Variants in SNTG1 observed in about 807,000 individuals in gnomAD.
SNTG1 encodes gamma-1-syntrophin.
SNTG1 carries 39 observed loss-of-function variants against 74.7 expected under a neutral mutation model. The observed-to-expected ratio is 0.52, with a 90% confidence interval of 0.40 to 0.68. The LOEUF (loss-of-function observed/expected upper bound fraction) is 0.68, where lower values mean the gene tolerates loss of function less well. SNTG1 is among the 30% of genes least tolerant of loss of function. The pLI is 0.00. For synonymous variants in SNTG1, 254 were observed against 217.1 expected (o/e 1.17, Z -1.49); for missense variants, 685 against 609.5 (o/e 1.12, Z -1.30).
intron 2 of SNTG1, among the ~76,000 whole-genome samples, chr8:50,264,965 A>T (rs1455674654): frequency 2.0e-5 from 3 of 152,148 alleles, no homozygotes; most frequent in African/African-American, 7.2e-5. Flanking sequence ...CCTATAAATA[A>T]TAAAGAGTTG....
At chr8:49,998,971 G>T (rs1035540076) in intron 1 of SNTG1, among the ~76,000 whole-genome samples, 3 of 152,020 alleles carry the variant, frequency 2.0e-5, no homozygotes, top group Non-Finnish European at 4.4e-5. Flanking sequence ...CTATAAAATG[G>T]ATTTGTTGAC....
chr8:50,622,050 T>A (rs1213597076), intron 13 of SNTG1, among the ~76,000 whole-genome samples: 4 of 152,190 alleles, frequency 2.6e-5, no homozygotes. Flanking sequence ...TTCCACCTGA[T>A]ATATTCATGC....
At chr8:50,281,462 G>T (rs556555856) in intron 2 of SNTG1, among the ~76,000 whole-genome samples, 1 of 152,162 alleles carries the variant, frequency 6.6e-6, no homozygotes, top group Non-Finnish European at 1.5e-5. Context: ...CTGTTGTAGC[G>T]ATTTCTCTGA....
intron 2 of SNTG1, among the ~76,000 whole-genome samples, chr8:50,376,814 A>G (rs914434209): frequency 6.7e-6 from 1 of 148,966 alleles, no homozygotes; most frequent in African/African-American, 2.5e-5. Context: ...TTTGAAAACA[A>G]TATTACCTTG....
intron 15 of SNTG1, among the ~76,000 whole-genome samples, chr8:50,697,458 C>A (rs1353260547): frequency 6.6e-6 from 1 of 152,102 alleles, no homozygotes; most frequent in Admixed American, 6.5e-5. Flanking sequence ...TACTTTATTA[C>A]TATGTTAAAT....
At chr8:50,143,546 G>T (rs1209067047) in intron 1 of SNTG1, among the ~76,000 whole-genome samples, 2 of 152,152 alleles carry the variant, frequency 1.3e-5, no homozygotes, top group African/African-American at 4.8e-5. Flanking sequence ...AGTGTCTATG[G>T]ATACTCTTTT....
chr8:50,607,076 A>G (rs1284294213), intron 13 of SNTG1, among the ~76,000 whole-genome samples: 1 of 151,890 alleles, frequency 6.6e-6, no homozygotes, highest in Admixed American at 6.6e-5. Flanking sequence ...ATCAAATTCG[A>G]TATGTTACAT....
intron 13 of SNTG1, among the ~76,000 whole-genome samples, chr8:50,597,720 A>AT (rs947940581): frequency 2.6e-5 from 4 of 151,236 alleles, no homozygotes; most frequent in East Asian, 1.9e-4. Flanking sequence ...AACATTTGTT[A>AT]TTTTTTTTGT....
chr8:50,585,286 C>G (rs1290964618), intron 12 of SNTG1, among the ~76,000 whole-genome samples: 1 of 152,072 alleles, frequency 6.6e-6, no homozygotes, highest in South Asian at 2.1e-4. Flanking sequence ...TGTTGGGCAA[C>G]CCTGGTCTAA....
At position 49,950,481 on chromosome 8, in the gene SNTG1, A is replaced by AT. The variant is rs571604924; in HGVS notation, c.-103+38257dup. ...AAATGGAATTGGAAATCCAGGGGAGATTTTTTTGCCAATTAAGTAAAATAC... is the reference window on the plus strand; with the variant it reads ...AAATGGAATTGGAAATCCAGGGGAGATTTTTTTTGCCAATTAAGTAAAATAC... On this transcript the variant is annotated intron_variant, in intron 1 of 18. Transcript: ENST00000642720. Among the ~76,000 whole-genome samples, 171 of 152,152 alleles carry AT rather than the reference A, an allele frequency of 1.1e-3. 2 individuals carry two copies. Among genetic ancestry groups the AT allele is most frequent in the African/African-American group, 3.8e-3 (159 of 41,496 alleles).
chr8:50,283,830 A>G (rs1046917707), intron 2 of SNTG1, among the ~76,000 whole-genome samples: 2 of 152,138 alleles, frequency 1.3e-5, no homozygotes, highest in African/African-American at 4.8e-5. Context: ...TCAACTTTAT[A>G]TTTTATAAGA....
At chr8:50,330,341 C>T (rs867150682) in intron 2 of SNTG1, among the ~76,000 whole-genome samples, 11 of 152,124 alleles carry the variant, frequency 7.2e-5, no homozygotes, top group African/African-American at 2.7e-4. Flanking sequence ...AACTGTGAGT[C>T]AATTAAAGCT....
intron 12 of SNTG1, among the ~76,000 whole-genome samples, chr8:50,553,778 C>T (rs1458831767): frequency 3.3e-5 from 5 of 152,094 alleles, no homozygotes; most frequent in African/African-American, 1.2e-4. Context: ...ATAATTCTTT[C>T]CCCCGTTATT....
chr8:50,012,864 G>A (rs1815942627), intron 1 of SNTG1, among the ~76,000 whole-genome samples: 1 of 152,044 alleles, frequency 6.6e-6, no homozygotes, highest in Non-Finnish European at 1.5e-5. Flanking sequence ...CTACTTGTCT[G>A]GTACCTCATC....
At chr8:50,360,472 T>G (rs2091927316) in intron 2 of SNTG1, among the ~76,000 whole-genome samples, 2 of 152,214 alleles carry the variant, frequency 1.3e-5, no homozygotes, top group Non-Finnish European at 2.9e-5. Context: ...CACTAATATC[T>G]TCTAACACAT....
Position 50,394,274 on chromosome 8 carries a change from A to T in SNTG1, c.27+9A>T, listed in dbSNP as rs2092700196. ...GAACCGCCTGTGAGGAGGTGAGTACAGAGCTTTCTGCTTTTCAAACAGGGA... is the reference window on the plus strand; with the variant it reads ...GAACCGCCTGTGAGGAGGTGAGTACTGAGCTTTCTGCTTTTCAAACAGGGA... On this transcript the variant is annotated intron_variant, in intron 3 of 18. Transcript: ENST00000642720. 7.4e-6 allele frequency: 12 copies of T among 1,611,236 alleles called. No individual in the cohort carries two copies. The highest frequency in any genetic ancestry group is 1.0e-5 in the Non-Finnish European group (12 of 1,178,464).
intron 18 of SNTG1, among the ~76,000 whole-genome samples, chr8:50,791,731 T>A (rs2095691119): frequency 6.6e-6 from 1 of 151,918 alleles, no homozygotes; most frequent in Non-Finnish European, 1.5e-5. Context: ...TTCATATGCT[T>A]TATTACCCTC....
chr8:49,985,162 TG>T (rs1813040046), intron 1 of SNTG1, among the ~76,000 whole-genome samples: 1 of 152,250 alleles, frequency 6.6e-6, no homozygotes, highest in Non-Finnish European at 1.5e-5. Context: ...AATGTTTTTT[TG>T]TTTGTTTGTT....
chr8:49,942,372 G>T (rs1808775584), intron 1 of SNTG1, among the ~76,000 whole-genome samples: 1 of 151,944 alleles, frequency 6.6e-6, no homozygotes, highest in South Asian at 2.1e-4. Context: ...TGCAAATGTG[G>T]CACACAGAGT....
Sources: gnomAD v4.1 joint callset for allele counts (sites outside exome capture counted in the v4.1 genomes callset) on GRCh38, gnomAD v4.1.1 for gene constraint, MANE v1.5 for transcripts, NCBI Gene and HGNC (gene_info 2026-07-23, HGNC 2026-07-21) for gene names.